WDFY1: variants seen among roughly 807,000 people sequenced by gnomAD.
The protein encoded by WDFY1 is WD repeat and FYVE domain containing 1, also known as WD repeat and FYVE domain-containing protein 1.
WDFY1 carries 32 observed loss-of-function variants against 56.4 expected under a neutral mutation model. That is an observed-to-expected ratio of 0.57 (90% CI 0.43 to 0.76). WDFY1 has a LOEUF of 0.76. WDFY1 is among the 30% of genes least tolerant of loss of function. The pLI is 0.00. For synonymous variants in WDFY1, 192 were observed against 197.3 expected (o/e 0.97, Z 0.23); for missense variants, 480 against 545.7 (o/e 0.88, Z 1.20).
At position 223,875,628 on chromosome 2, in the gene WDFY1, A is replaced by G. The variant is rs1422566918; in HGVS notation, c.*3043T>C. On this transcript the variant is annotated 3_prime_UTR_variant, in exon 12 of 12. Coordinates refer to ENST00000233055, the MANE Select transcript of WDFY1 (RefSeq NM_020830.5). Reference sequence around the variant, plus strand: ...TTCAACTTACTCAAAGAGTTATTGTATTGTAAACTGCAGAAAATAGAATAG... The same window carrying G: ...TTCAACTTACTCAAAGAGTTATTGTGTTGTAAACTGCAGAAAATAGAATAG... The G allele has an allele frequency of 1.3e-5, 2 of 152,246 alleles. No homozygotes were observed. Among genetic ancestry groups the G allele is most frequent in the Admixed American group, 1.3e-4 (2 of 15,284 alleles). 9.4% of individuals were successfully genotyped at this position (152,246 alleles called of 1,614,324 possible).
At chr2:223,923,650 A>T (rs1559173132) in intron 1 of WDFY1, among the ~76,000 whole-genome samples, 1 of 152,034 alleles carries the variant, frequency 6.6e-6, no homozygotes, top group Non-Finnish European at 1.5e-5. Flanking sequence ...AGTCCCAGCT[A>T]CTCGGGAGGC....
At chr2:223,939,787 G>A (rs2106105743) in intron 1 of WDFY1, among the ~76,000 whole-genome samples, 1 of 152,150 alleles carries the variant, frequency 6.6e-6, no homozygotes, top group Admixed American at 6.5e-5. Context: ...GATTTGGGTG[G>A]GGACACAGCC....
intron 8 of WDFY1, among the ~76,000 whole-genome samples, chr2:223,891,649 G>A (rs895018957): frequency 1.3e-5 from 2 of 151,952 alleles, no homozygotes; most frequent in Admixed American, 1.3e-4. Context: ...GCACTTTGAC[G>A]GTAGGAATCC....
At chr2:223,915,871 AT>A (rs1459613685) in intron 2 of WDFY1, among the ~76,000 whole-genome samples, 3 of 152,104 alleles carry the variant, frequency 2.0e-5, no homozygotes, top group South Asian at 4.1e-4. Flanking sequence ...TCCAAAGTAA[AT>A]TTATCAGACA....
intron 1 of WDFY1, among the ~76,000 whole-genome samples, chr2:223,944,637 G>A (rs953528931): frequency 4.0e-5 from 6 of 151,334 alleles, no homozygotes; most frequent in African/African-American, 1.5e-4. Context: ...GGGGCGCAGT[G>A]GGACAGAAGA....
At chr2:223,903,645 T>G (rs1026816509) in intron 4 of WDFY1, among the ~76,000 whole-genome samples, 15 of 27,378 alleles carry the variant, frequency 5.5e-4, no homozygotes, top group Non-Finnish European at 1.3e-3. Flanking sequence ...ACACACGTTT[T>G]TTGTTTTTTT....
intron 1 of WDFY1, among the ~76,000 whole-genome samples, chr2:223,944,644 A>G (rs1314592815): frequency 2.4e-4 from 29 of 118,588 alleles, no homozygotes; most frequent in South Asian, 5.6e-4. Context: ...AGTGGGACAG[A>G]AGATCCGGGC....
intron 1 of WDFY1, among the ~76,000 whole-genome samples, chr2:223,931,686 CTT>C (rs796921019): frequency 1.7e-4 from 7 of 42,292 alleles, no homozygotes; most frequent in Non-Finnish European, 3.1e-4. Flanking sequence ...ATTTTTCTTT[CTT>C]TTTTTTTTTT....
chr2:223,928,729 T>C (rs1694025240), intron 1 of WDFY1, among the ~76,000 whole-genome samples: 1 of 152,206 alleles, frequency 6.6e-6, no homozygotes, highest in African/African-American at 2.4e-5. Context: ...CTTTCCTTTT[T>C]TCCATAAGGC....
chr2:223,912,153 A>G, intron 3 of WDFY1, 100 bp downstream of exon 3: 2 of 1,216,536 alleles, frequency 1.6e-6, no homozygotes, highest in South Asian at 3.0e-5. Flanking sequence ...TCGAGCATCC[A>G]TTGTTAATCC....
At chr2:223,891,465 TCA>T (rs1693276099) in intron 8 of WDFY1, among the ~76,000 whole-genome samples, 1 of 151,222 alleles carries the variant, frequency 6.6e-6, no homozygotes, top group African/African-American at 2.4e-5. Flanking sequence ...ATACATTTTC[TCA>T]GTTATTAAAA....
intron 1 of WDFY1, among the ~76,000 whole-genome samples, chr2:223,928,640 TC>T (rs1433683561): frequency 3.9e-5 from 6 of 152,348 alleles, no homozygotes; most frequent in African/African-American, 1.4e-4. Context: ...TAAGAGTCTA[TC>T]CTTTAAATTG....
At chr2:223,911,808 C>T (rs1468356627) in intron 3 of WDFY1, among the ~76,000 whole-genome samples, 1 of 115,032 alleles carries the variant, frequency 8.7e-6, no homozygotes, top group Admixed American at 1.1e-4. Context: ...AATATCTATA[C>T]TGAATTAAAC....
At chr2:223,907,087 G>A (rs915623818) in intron 3 of WDFY1, among the ~76,000 whole-genome samples, 4 of 151,926 alleles carry the variant, frequency 2.6e-5, no homozygotes, top group Admixed American at 2.6e-4. Flanking sequence ...CGATTCTTGT[G>A]CCTCAGAGTC....
At chr2:223,905,742 G>GAT (rs1693588367) in intron 4 of WDFY1, among the ~76,000 whole-genome samples, 1 of 152,122 alleles carries the variant, frequency 6.6e-6, no homozygotes, top group African/African-American at 2.4e-5. Flanking sequence ...AATTAAATCT[G>GAT]ATACATGTGC....
chr2:223,940,721 C>G (rs1466266591), intron 1 of WDFY1, among the ~76,000 whole-genome samples: 3 of 151,922 alleles, frequency 2.0e-5, no homozygotes, highest in Non-Finnish European at 4.4e-5. Flanking sequence ...CAGCTCACTG[C>G]AACCTCCGCC....
intron 2 of WDFY1, among the ~76,000 whole-genome samples, chr2:223,913,918 A>C (rs1693745352): frequency 6.6e-6 from 1 of 151,976 alleles, no homozygotes; most frequent in African/African-American, 2.4e-5. Context: ...AACTGAGATA[A>C]GCAATATAAA....
chr2:223,917,691 G>A (rs1048353992), intron 2 of WDFY1, among the ~76,000 whole-genome samples: 5 of 152,038 alleles, frequency 3.3e-5, no homozygotes, highest in Non-Finnish European at 5.9e-5. Flanking sequence ...TCCTGCCTCA[G>A]CCTCCCAAGT....
Position 223,935,605 on chromosome 2 carries a change from C to T in WDFY1, c.137+9543G>A, listed in dbSNP as rs768879244. 2.2e-4 allele frequency among the ~76,000 whole-genome samples: 34 copies of T among 152,316 alleles called. No homozygotes were observed. In the Middle Eastern group the frequency reaches 0.014, roughly 61 times the overall value. On this transcript the variant is annotated intron_variant, in intron 1 of 11. Coordinates refer to ENST00000233055, the MANE Select transcript of WDFY1 (RefSeq NM_020830.5). ...AAGCTAAACACAGCAGAGGAAATGT[C>T]TACTGTGCAGAAATGGTTAAGTCTG...
Sources: allele counts gnomAD v4.1 joint callset (sites outside exome capture counted in the v4.1 genomes callset), GRCh38; gene constraint gnomAD v4.1.1; transcripts MANE v1.5; gene names NCBI Gene and HGNC (gene_info 2026-07-23, HGNC 2026-07-21).